Variants in ZNF343 observed in about 807,000 individuals in gnomAD.
ZNF343 encodes the protein zinc finger protein 343.
Under a neutral mutation model 13.8 loss-of-function variants are expected in ZNF343, and 11 were observed. The observed-to-expected ratio is 0.80, with a 90% CI of 0.50 to 1.32. ZNF343 has a LOEUF of 1.32. Among genes scored for constraint, ZNF343 ranks in the 40% most tolerant of loss-of-function variants. The pLI is 0.00. For missense variants in ZNF343, 658 were observed against 714.2 expected (o/e 0.92, Z 0.90); for synonymous variants, 248 against 260.0 (o/e 0.95, Z 0.44).
chr20:2,522,504 AGTCTTTCTGAGCCAGTTTGTTCGTCT>A (rs1324107377), intron 1 of ZNF343, among the ~76,000 whole-genome samples: 1 of 152,222 alleles, frequency 6.6e-6, no homozygotes, highest in Admixed American at 6.5e-5. Context: ...GTTGGAGATA[AGTCTTTCTGAGCCAGTTTGTTCGTCT>A]GTCTTTCTGA....
intron 4 of ZNF343, chr20:2,493,106 G>A: frequency 2.0e-6 from 1 of 493,720 alleles, no homozygotes; most frequent in East Asian, 3.9e-5. Context: ...CTCAGGCTGT[G>A]TTTAAGACAG....
chr20:2,502,481 G>A (rs903871182), intron 1 of ZNF343, among the ~76,000 whole-genome samples: 21 of 151,874 alleles, frequency 1.4e-4, no homozygotes, highest in African/African-American at 4.8e-4. Context: ...GATACTCCTC[G>A]AGAAGAGCAA....
chr20:2,521,646 A>C (rs2085782949), intron 1 of ZNF343, among the ~76,000 whole-genome samples: 1 of 152,148 alleles, frequency 6.6e-6, no homozygotes, highest in East Asian at 1.9e-4. Flanking sequence ...CCGGAGAGGG[A>C]AGTGTGGACC....
At chr20:2,502,837 G>A (rs1465884394) in intron 1 of ZNF343, among the ~76,000 whole-genome samples, 5 of 152,088 alleles carry the variant, frequency 3.3e-5, no homozygotes, top group African/African-American at 9.7e-5. Flanking sequence ...AGGAACAACC[G>A]GTACCAGCCA....
intron 1 of ZNF343, among the ~76,000 whole-genome samples, chr20:2,515,002 C>CAA (rs34761814): frequency 1.5e-4 from 14 of 94,600 alleles, no homozygotes; most frequent in Middle Eastern, 4.8e-3. Flanking sequence ...GACATTGTAT[C>CAA]AAAAAAAAAA....
chr20:2,494,645 T>C (rs1265368103), intron 2 of ZNF343, among the ~76,000 whole-genome samples: 1 of 152,050 alleles, frequency 6.6e-6, no homozygotes, highest in African/African-American at 2.4e-5. Flanking sequence ...GGTGTGCGCC[T>C]GTAGTCCCAG....
At chr20:2,509,231 G>C (rs186611839), upstream of ZNF343, 1 of 152,210 alleles carries the variant, frequency 6.6e-6, no homozygotes. Flanking sequence ...CGGGAGCAAT[G>C]CGCTGTCTGT....
In ZNF343 at chr20:2,494,872, C is replaced by G. The variant is rs1209327508; in HGVS notation, c.-149-828G>C. 3.3e-5 allele frequency among the ~76,000 whole-genome samples: 5 copies of G among 152,164 alleles called. 1 individual carries two copies. The highest frequency in any genetic ancestry group is 7.3e-5 in the Non-Finnish European group (5 of 68,038). On this transcript the variant is annotated intron_variant, in intron 2 of 5. Coordinates refer to ENST00000278772, the MANE Select transcript of ZNF343 (RefSeq NM_024325.6). Reference sequence around the variant, plus strand: ...GGGAGAGCTCCAGTTCTCACAATTACTCTGAAGAGATAACCTCCTAGCTTC... The same window carrying G: ...GGGAGAGCTCCAGTTCTCACAATTAGTCTGAAGAGATAACCTCCTAGCTTC...
chr20:2,516,206 G>A (rs144012774), intron 1 of ZNF343, among the ~76,000 whole-genome samples: 60 of 152,056 alleles, frequency 3.9e-4, no homozygotes, highest in Non-Finnish European at 7.6e-4. Context: ...TGTTAAGGAT[G>A]TGATTTAGAA....
Position 2,483,558 on chromosome 20 carries a change from C to T in ZNF343, c.1403G>A (p.Gly468Asp). 6.2e-7 allele frequency: 1 copy of T among 1,612,260 alleles called. No individual in the cohort carries two copies. Among genetic ancestry groups the T allele is most frequent in the Non-Finnish European group, 8.5e-7 (1 of 1,179,548 alleles). ...CCGACTAAAGCCTCGGCCACACTCA[C>T]CACACACATAAGGCTTCTCTCCAGA... ...THSGEKPYVC[G>D]ECGRGFSRKS... is the part of the protein sequence containing the mutation. The change falls in exon 6 of 6, where the codon GGT (glycine) becomes GAT (aspartate). Residue 468 changes from glycine (G) to aspartate (D), a missense_variant. By Grantham distance (94) the Gly-to-Asp change is moderately conservative (BLOSUM62 -1). Coordinates refer to ENST00000278772, the MANE Select transcript of ZNF343 (RefSeq NM_024325.6).
At chr20:2,524,322 G>C (rs2085795328) in intron 1 of ZNF343, 1 of 152,280 alleles carries the variant, frequency 6.6e-6, no homozygotes, top group Non-Finnish European at 1.5e-5. Context: ...GAGAGAGACA[G>C]ATAAATTATA....
chr20:2,518,182 T>C lies in ZNF343; in HGVS notation c.-347+6273A>G, dbSNP rs189609886. ...GCGCGTGCCACCACGTCTGGCTACCTTTTTGTATTTTTTTAGTAGAGACGT... is the reference window on the plus strand; with the variant it reads ...GCGCGTGCCACCACGTCTGGCTACCCTTTTGTATTTTTTTAGTAGAGACGT... On this transcript the variant is annotated intron_variant, in intron 1 of 6. Coordinates refer to the ZNF343 transcript ENST00000358413. The surrounding 1 kb of genome is among the most constrained non-coding windows in gnomAD (Gnocchi z 4.6). Among the ~76,000 whole-genome samples the C allele has an allele frequency of 2.3e-3, 356 of 152,224 alleles. 1 individual carries two copies. The highest frequency in any genetic ancestry group is 7.8e-3 in the African/African-American group (325 of 41,528).
Position 2,484,602 on chromosome 20 carries a change from C to T in ZNF343, c.359G>A (p.Cys120Tyr), listed in dbSNP as rs1455022771. 2 of 1,613,118 alleles carry T rather than the reference C, an allele frequency of 1.2e-6. No homozygotes were observed. Among genetic ancestry groups the T allele is most frequent in the East Asian group, 4.5e-5 (2 of 44,870 alleles). Residue 120 changes from cysteine to tyrosine, a missense_variant, in exon 6 of 6, where the codon TGT (cysteine) becomes TAT (tyrosine). Coordinates refer to ENST00000278772, the MANE Select transcript of ZNF343 (RefSeq NM_024325.6). ...TACATGTTGACTGAGGAACTGCTGA[C>T]AGGAGAAGGCCAGAAGGCAGGAGGA... The part of the protein sequence containing the change: ...TCSSCLLAFS[C>Y]QQFLSQHVLQ...
At position 2,495,883 on chromosome 20, in the gene ZNF343, T is replaced by C. The variant is rs140708074; in HGVS notation, c.-149-1839A>G. Among the ~76,000 whole-genome samples, 1,511 of 152,232 alleles carry C rather than the reference T, an allele frequency of 9.9e-3. 19 individuals are homozygous for C. Among genetic ancestry groups the C allele is most frequent in the African/African-American group, 0.034 (1,423 of 41,528 alleles). On this transcript the variant is annotated intron_variant, in intron 2 of 5. Coordinates refer to ENST00000278772, the MANE Select transcript of ZNF343 (RefSeq NM_024325.6). The stretch of plus-strand genomic sequence containing the variant: ...TTTTAGTAGAGATGGGGTTTCACCA[T>C]GTTGGCCAGGCTGGTCTCGAACTCC...
chr20:2,494,900 T>C (rs1347339631), intron 2 of ZNF343, among the ~76,000 whole-genome samples: 2 of 152,224 alleles, frequency 1.3e-5, no homozygotes, highest in South Asian at 2.1e-4. Flanking sequence ...CTAGCTTCCA[T>C]TGCTATGCAT....
chr20:2,522,746 C>T (rs1192471589), intron 1 of ZNF343, among the ~76,000 whole-genome samples: 1 of 152,184 alleles, frequency 6.6e-6, no homozygotes. Flanking sequence ...CTCAGGAGCT[C>T]GAGACCAGCC....
At chr20:2,493,391 G>T in intron 4 of ZNF343, 128 bp downstream of exon 4, 1 of 845,110 alleles carries the variant, frequency 1.2e-6, no homozygotes, top group Admixed American at 2.2e-5. Flanking sequence ...TTTCAAGAAA[G>T]CCTAATGCTT....
Position 2,482,745 on chromosome 20 carries a change from CA to C in ZNF343, c.*415del, listed in dbSNP as rs773969599. On this transcript the variant is annotated 3_prime_UTR_variant, in exon 6 of 6. Coordinates refer to ENST00000278772, the MANE Select transcript of ZNF343 (RefSeq NM_024325.6). Reference sequence around the variant, plus strand: ...AAGCTTTGCCCATACATCCTACAAACAAAGACCTCCTTCCTGAGGGCCACTC... The same window carrying C: ...AAGCTTTGCCCATACATCCTACAAACAAGACCTCCTTCCTGAGGGCCACTC... 1 of 184,848 alleles carries C rather than the reference CA, an allele frequency of 5.4e-6. No individual in the cohort carries two copies. Among genetic ancestry groups the C allele is most frequent in the Non-Finnish European group, 1.1e-5 (1 of 87,080 alleles). The allele number at this position is 184,848 out of a possible 1,614,324, so 11.5% of individuals were successfully genotyped here. A position where few individuals can be genotyped will look rare whatever the true frequency, so the allele number is the denominator to read the frequency against.
At chr20:2,494,961 C>T (rs140716795) in intron 2 of ZNF343, among the ~76,000 whole-genome samples, 2 of 152,216 alleles carry the variant, frequency 1.3e-5, no homozygotes, top group African/African-American at 4.8e-5. Context: ...CCTGATGGGC[C>T]CAAGTCAAAG....
Sources: allele counts gnomAD v4.1 joint callset (sites outside exome capture counted in the v4.1 genomes callset), GRCh38; gene constraint gnomAD v4.1.1; non-coding constraint Gnocchi (gnomAD v3.1); transcripts MANE v1.5; gene names NCBI Gene and HGNC (gene_info 2026-07-23, HGNC 2026-07-21).